Variants in CELF2 observed in about 807,000 individuals in gnomAD.
The protein encoded by CELF2 is CUGBP Elav-like family member 2, also known as CUG triplet repeat RNA-binding protein 2.
Under a neutral mutation model 62.6 loss-of-function variants are expected in CELF2, and 8 were observed. That is an observed-to-expected ratio of 0.13 (90% confidence interval 0.07 to 0.23). The LOEUF is 0.23. Among genes scored for constraint, CELF2 ranks in the 10% least tolerant of loss-of-function variants. The probability of loss-of-function intolerance (pLI) is 1.00; values close to 1 mark genes in which losing one functional copy is unlikely to be tolerated. For missense variants in CELF2, 333 were observed against 671.0 expected (o/e 0.50, Z 5.56); for synonymous variants, 258 against 250.0 (o/e 1.03, Z -0.30).
At chr10:10,721,384 A>G in the CELF2 span, among the ~76,000 whole-genome samples, 1 of 152,240 alleles carries the variant, frequency 6.6e-6, no homozygotes, top group African/African-American at 2.4e-5. Flanking sequence ...ATCTATACCC[A>G]ACCATCAAAT....
At chr10:10,500,884 A>G in the CELF2 span, among the ~76,000 whole-genome samples, 2 of 152,240 alleles carry the variant, frequency 1.3e-5, no homozygotes, top group African/African-American at 2.4e-5. Context: ...TTATAAATGC[A>G]ATCACATGAT....
chr10:10,758,730 A>G, the CELF2 span, among the ~76,000 whole-genome samples: 5 of 152,376 alleles, frequency 3.3e-5, no homozygotes, highest in African/African-American at 1.2e-4. Context: ...CTATAAACAA[A>G]AAATTATAAG....
intron 1 of CELF2, among the ~76,000 whole-genome samples, chr10:10,811,068 C>G (rs1410846635): frequency 2.6e-5 from 4 of 152,152 alleles, no homozygotes; most frequent in Admixed American, 2.0e-4. Context: ...GACATGTGTT[C>G]GGAGCCTTGG....
intron 1 of CELF2, among the ~76,000 whole-genome samples, chr10:10,831,579 A>C (rs1331480605): frequency 6.6e-6 from 1 of 152,224 alleles, no homozygotes; most frequent in Non-Finnish European, 1.5e-5. Context: ...CCCTGACATC[A>C]ACTTGCAGCC....
intron 1 of CELF2, among the ~76,000 whole-genome samples, chr10:11,148,498 A>G (rs1564942442): frequency 6.6e-6 from 1 of 152,196 alleles, no homozygotes; most frequent in Non-Finnish European, 1.5e-5. Flanking sequence ...TGTTAGAGAC[A>G]TATATGAATT....
At chr10:10,556,494 C>T in the CELF2 span, among the ~76,000 whole-genome samples, 19 of 152,146 alleles carry the variant, frequency 1.2e-4, no homozygotes, top group Non-Finnish European at 2.4e-4. Flanking sequence ...AATAAACATA[C>T]GTGTGCGTGT....
the CELF2 span, among the ~76,000 whole-genome samples, chr10:10,719,298 GCCCAAGCTGGAGTATAGTGGC>G: frequency 2.6e-5 from 4 of 151,952 alleles, no homozygotes; most frequent in African/African-American, 9.7e-5. Flanking sequence ...TCACTCTATG[GCCCAAGCTGGAGTATAGTGGC>G]GCAATCATAG....
intron 8 of CELF2, among the ~76,000 whole-genome samples, chr10:11,282,330 G>T (rs1047246514): frequency 6.6e-6 from 1 of 152,330 alleles, no homozygotes; most frequent in Middle Eastern, 3.4e-3. Flanking sequence ...GAGAGGACAG[G>T]CACCCAGGGA....
At chr10:11,204,288 T>C (rs79560499) in intron 2 of CELF2, among the ~76,000 whole-genome samples, 8,752 of 152,268 alleles carry the variant, frequency 0.057, 343 homozygotes, top group African/African-American at 0.11. Context: ...CAGAATCTAT[T>C]TCACCTAGCC....
At chr10:10,954,311 T>C (rs2048663122) in intron 2 of CELF2, among the ~76,000 whole-genome samples, 1 of 151,544 alleles carries the variant, frequency 6.6e-6, no homozygotes, top group African/African-American at 2.4e-5. Flanking sequence ...AGTGGCATGA[T>C]CTTGGCTCAC....
At chr10:11,044,121 A>C (rs1211316910) in intron 1 of CELF2, among the ~76,000 whole-genome samples, 1 of 152,190 alleles carries the variant, frequency 6.6e-6, no homozygotes, top group Non-Finnish European at 1.5e-5. Context: ...GTCCCTGACT[A>C]TCATCTCAAA....
At chr10:10,741,716 G>A in the CELF2 span, among the ~76,000 whole-genome samples, 5 of 152,024 alleles carry the variant, frequency 3.3e-5, no homozygotes, top group Admixed American at 3.3e-4. Flanking sequence ...GTTAACTTTG[G>A]TCACTTGGTT....
At chr10:10,491,504 A>T in the CELF2 span, among the ~76,000 whole-genome samples, 1 of 152,190 alleles carries the variant, frequency 6.6e-6, no homozygotes, top group South Asian at 2.1e-4. Context: ...GTTTTCCTAA[A>T]TATGGGTGGC....
intron 1 of CELF2, among the ~76,000 whole-genome samples, chr10:11,047,128 T>C (rs1176281598): frequency 6.6e-6 from 1 of 152,134 alleles, no homozygotes; most frequent in Non-Finnish European, 1.5e-5. Context: ...TGAAAACAGA[T>C]AAAAACAATC....
intron 1 of CELF2, among the ~76,000 whole-genome samples, chr10:11,023,286 A>T (rs2058643761): frequency 6.6e-6 from 1 of 152,238 alleles, no homozygotes; most frequent in Non-Finnish European, 1.5e-5. Flanking sequence ...GAGTAATATA[A>T]TGAAGCCAGT....
In CELF2 at chr10:11,173,349, G is replaced by A. The variant is rs906633507; in HGVS notation, c.271+7667G>A. Among the ~76,000 whole-genome samples the A allele has an allele frequency of 8.5e-5, 13 of 152,290 alleles. 1 individual carries two copies. The South Asian group carries it at 2.7e-3, about 32-fold the overall frequency. On this transcript the variant is annotated intron_variant, in intron 2 of 12. Transcript: ENST00000633077. ...TAGCGTGACCTACCTGCCTTTCCTT[G>A]CTTTCGCTCCAGAGACCCCAGATAA...
intron 10 of CELF2, chr10:11,317,436 A>G (rs1399207408): frequency 3.9e-5 from 6 of 152,250 alleles, no homozygotes. Flanking sequence ...CCTTAGTTCT[A>G]GATATTTTAT....
chr10:11,044,575 T>C (rs899496909), intron 1 of CELF2, among the ~76,000 whole-genome samples: 8 of 152,170 alleles, frequency 5.3e-5, no homozygotes, highest in African/African-American at 1.4e-4. Flanking sequence ...GAGAAATGTT[T>C]CCCCCCACCA....
At chr10:11,111,289 C>T (rs1377371029) in intron 1 of CELF2, among the ~76,000 whole-genome samples, 1 of 152,178 alleles carries the variant, frequency 6.6e-6, no homozygotes, top group Non-Finnish European at 1.5e-5. Flanking sequence ...TGTTGAACAA[C>T]TTCCCTGTTC....
Sources: gnomAD v4.1 joint callset for allele counts (sites outside exome capture counted in the v4.1 genomes callset) on GRCh38, gnomAD v4.1.1 for gene constraint, MANE v1.5 for transcripts, NCBI Gene and HGNC (gene_info 2026-07-23, HGNC 2026-07-21) for gene names.